SLC39A11: variants seen among roughly 807,000 people sequenced by gnomAD.
SLC39A11 encodes the protein zinc transporter ZIP11.
Under a neutral mutation model 36.1 loss-of-function variants are expected in SLC39A11, and 33 were observed. That is an observed-to-expected ratio of 0.91 (90% CI 0.69 to 1.22). The LOEUF (loss-of-function observed/expected upper bound fraction) is 1.22, where lower values mean the gene tolerates loss of function less well. Ranked by LOEUF, SLC39A11 falls within the 50% of genes most tolerant of loss-of-function variation. The pLI is 0.00. For synonymous variants in SLC39A11, 166 were observed against 170.3 expected (o/e 0.97, Z 0.20); for missense variants, 432 against 430.3 (o/e 1.00, Z -0.03).
intron 7 of SLC39A11, among the ~76,000 whole-genome samples, chr17:72,652,803 A>G (rs1231730688): frequency 2.6e-5 from 4 of 152,080 alleles, no homozygotes; most frequent in Non-Finnish European, 5.9e-5. Context: ...AGATTTTTAC[A>G]TCACTTGTAA....
intron 6 of SLC39A11, among the ~76,000 whole-genome samples, chr17:72,818,457 G>C (rs2077657607): frequency 6.6e-6 from 1 of 152,340 alleles, no homozygotes; most frequent in East Asian, 1.9e-4. Flanking sequence ...GGATGGCTTA[G>C]ACTCGCAGGC....
At chr17:72,847,538 G>T (rs1377480782) in intron 6 of SLC39A11, among the ~76,000 whole-genome samples, 1 of 152,104 alleles carries the variant, frequency 6.6e-6, no homozygotes, top group Non-Finnish European at 1.5e-5. Context: ...ACCTATGATC[G>T]TATGATAGAC....
intron 5 of SLC39A11, among the ~76,000 whole-genome samples, chr17:72,883,339 C>A (rs569564198): frequency 1.3e-5 from 2 of 152,302 alleles, no homozygotes; most frequent in East Asian, 3.9e-4. Context: ...TCTTCAAATC[C>A]TCTGTAACCA....
chr17:72,775,306 G>A (rs1490013743), intron 6 of SLC39A11, among the ~76,000 whole-genome samples: 1 of 152,170 alleles, frequency 6.6e-6, no homozygotes, highest in East Asian at 1.9e-4. Flanking sequence ...CTTCAGGCTG[G>A]CAGCTGCATC....
intron 3 of SLC39A11, among the ~76,000 whole-genome samples, chr17:73,034,625 C>T (rs1185787069): frequency 6.6e-6 from 1 of 152,180 alleles, no homozygotes; most frequent in Non-Finnish European, 1.5e-5. Flanking sequence ...TAAGCCCACT[C>T]ATCTCACCCT....
chr17:72,956,839 C>T lies in SLC39A11; in HGVS notation c.307-8964G>A, dbSNP rs140666615. 2.9e-3 allele frequency among the ~76,000 whole-genome samples: 435 copies of T among 152,240 alleles called. 2 individuals carry two copies. Among genetic ancestry groups the T allele is most frequent in the African/African-American group, 9.6e-3 (400 of 41,538 alleles). ...CTTTCCTAAAAATGTGTATGTATCG[C>T]ACAACTATTGCTAGGTAGCAAAACA... On this transcript the variant is annotated intron_variant, in intron 4 of 9. Transcript: ENST00000255559.
Position 72,658,045 on chromosome 17 carries a change from G to A in SLC39A11, c.672-8777C>T, listed in dbSNP as rs2070223522. Among the ~76,000 whole-genome samples the A allele has an allele frequency of 2.0e-5, 3 of 152,230 alleles. No individual in the cohort carries two copies. The South Asian group carries it at 6.2e-4, about 32-fold the overall frequency. ...TGGCCTCCCTGTAGGGACAGCAGCAGACACTTTGCTTTCTTGGGTAGGGAC... is the reference window on the plus strand; with the variant it reads ...TGGCCTCCCTGTAGGGACAGCAGCAAACACTTTGCTTTCTTGGGTAGGGAC... On this transcript the variant is annotated intron_variant, in intron 7 of 9. Coordinates refer to ENST00000255559, the MANE Select transcript of SLC39A11 (RefSeq NM_139177.4).
At chr17:72,973,611 T>G (rs1222954381) in intron 4 of SLC39A11, among the ~76,000 whole-genome samples, 1 of 152,128 alleles carries the variant, frequency 6.6e-6, no homozygotes, top group African/African-American at 2.4e-5. Context: ...CTGGCAGGAG[T>G]GCAGTGGCAC....
intron 4 of SLC39A11, among the ~76,000 whole-genome samples, chr17:73,025,674 T>C (rs1356694295): frequency 6.6e-6 from 1 of 152,052 alleles, no homozygotes; most frequent in African/African-American, 2.4e-5. Flanking sequence ...AAGATCGAAA[T>C]AGAGTCAGAA....
At chr17:73,028,959 A>G (rs2058653127) in intron 4 of SLC39A11, among the ~76,000 whole-genome samples, 1 of 151,956 alleles carries the variant, frequency 6.6e-6, no homozygotes. Context: ...CTCAACTAAA[A>G]ATACAAAAAT....
chr17:73,077,187 C>A (rs980632851), intron 3 of SLC39A11, among the ~76,000 whole-genome samples: 1 of 152,200 alleles, frequency 6.6e-6, no homozygotes, highest in African/African-American at 2.4e-5. Flanking sequence ...GTATGAGAAT[C>A]CACTTTGAGT....
intron 6 of SLC39A11, among the ~76,000 whole-genome samples, chr17:72,794,060 C>A (rs2076808775): frequency 6.6e-6 from 1 of 152,204 alleles, no homozygotes; most frequent in Non-Finnish European, 1.5e-5. Context: ...TAGCATCAGG[C>A]TCTGCCTGAG....
chr17:72,949,156 T>TTTTTTTTC (rs2085672326), intron 4 of SLC39A11, among the ~76,000 whole-genome samples: 1 of 115,930 alleles, frequency 8.6e-6, no homozygotes, highest in Non-Finnish European at 1.8e-5. Flanking sequence ...TTTTTTTTTT[T>TTTTTTTTC]TTTTTTTTTT....
chr17:73,046,973 G>A (rs2143735434), intron 3 of SLC39A11, among the ~76,000 whole-genome samples: 1 of 151,404 alleles, frequency 6.6e-6, no homozygotes, highest in Non-Finnish European at 1.5e-5. Context: ...AAAAACGAAA[G>A]GTAATGTAGC....
At chr17:72,835,500 A>T (rs1355771245) in intron 6 of SLC39A11, among the ~76,000 whole-genome samples, 2 of 152,194 alleles carry the variant, frequency 1.3e-5, no homozygotes, top group Non-Finnish European at 2.9e-5. Flanking sequence ...TTGCTCTGTC[A>T]CCCAGGCTGG....
At chr17:72,653,443 T>C (rs1031723745) in intron 7 of SLC39A11, among the ~76,000 whole-genome samples, 6 of 12,896 alleles carry the variant, frequency 4.7e-4, no homozygotes, top group African/African-American at 2.8e-3. Flanking sequence ...TTTCTTTTCT[T>C]TTTTTTTTTT....
At chr17:72,962,817 G>C (rs146859901) in intron 4 of SLC39A11, among the ~76,000 whole-genome samples, 1 of 152,182 alleles carries the variant, frequency 6.6e-6, no homozygotes, top group Non-Finnish European at 1.5e-5. Flanking sequence ...GATTACAGGC[G>C]TGAGCCATCG....
chr17:72,958,877 A>G (rs1170169929), intron 4 of SLC39A11, among the ~76,000 whole-genome samples: 1 of 151,944 alleles, frequency 6.6e-6, no homozygotes, highest in Admixed American at 6.6e-5. Flanking sequence ...AAAAAAAAAA[A>G]AAGAAGATAC....
At chr17:73,080,838 G>A (rs1004155836) in intron 3 of SLC39A11, among the ~76,000 whole-genome samples, 1 of 151,978 alleles carries the variant, frequency 6.6e-6, no homozygotes, top group African/African-American at 2.4e-5. Flanking sequence ...CCAGCTACTT[G>A]GGAGGCTGAG....
Sources: allele counts gnomAD v4.1 joint callset (sites outside exome capture counted in the v4.1 genomes callset), GRCh38; gene constraint gnomAD v4.1.1; transcripts MANE v1.5; gene names NCBI Gene and HGNC (gene_info 2026-07-23, HGNC 2026-07-21).